Variants in IGF2R observed in about 807,000 individuals in gnomAD.
IGF2R encodes insulin like growth factor 2 receptor, also known as cation-independent mannose-6-phosphate receptor.
In IGF2R, 91 loss-of-function variants were observed where a neutral mutation model predicts 270.6. The ratio of observed to expected loss-of-function variants is 0.34; its 90% CI spans 0.28 to 0.40. The LOEUF (loss-of-function observed/expected upper bound fraction) is 0.40. Among genes scored for constraint, IGF2R ranks in the 10% least tolerant of loss-of-function variants. The pLI is 1.00. For missense variants in IGF2R, 2,805 were observed against 3,188.3 expected (o/e 0.88, Z 2.90); for synonymous variants, 1,316 against 1,258.9 (o/e 1.05, Z -0.96).
rs766114153 is a variant in IGF2R at position 160,079,565 on chromosome 6, A to G, written c.5479-15A>G. The stretch of plus-strand genomic sequence containing the variant: ...GCTGCCACTCTGCTGACGGCCACGC[A>G]TGGTTTTTGTCCAGGTGACTCGCGA... On this transcript the variant is annotated splice_polypyrimidine_tract_variant and intron_variant, in intron 37 of 47. Coordinates refer to ENST00000356956, the MANE Select transcript of IGF2R (RefSeq NM_000876.4). 58 of 1,414,034 alleles carry G rather than the reference A, an allele frequency of 4.1e-5. No individual in the cohort carries two copies. The highest frequency in any genetic ancestry group is 2.1e-4 in the Middle Eastern group (1 of 4,752). 87.6% of individuals were successfully genotyped at this position (1,414,034 alleles called of 1,614,324 possible). A position where few individuals can be genotyped will look rare whatever the true frequency, so the allele number is the denominator to read the frequency against.
chr6:160,073,023 C>T lies in IGF2R; in HGVS notation c.4690+139C>T, dbSNP rs76023313. The T allele has an allele frequency of 9.3e-4, 1,276 of 1,376,914 alleles. 3 individuals are homozygous for T. Among genetic ancestry groups the T allele is most frequent in the Non-Finnish European group, 1.0e-3 (1,013 of 1,004,506 alleles). 85.3% of individuals were successfully genotyped at this position (1,376,914 alleles called of 1,614,324 possible). A position where few individuals can be genotyped will look rare whatever the true frequency, so the allele number is the denominator to read the frequency against. ...CTTTTGTCTCCTGCAGCAGTCACCC[C>T]ATGTGGGGGACACATGGTCATGTGA... is the stretch of plus-strand genomic sequence containing the variant. On this transcript the variant is annotated intron_variant, in intron 33 of 47. Coordinates refer to ENST00000356956, the MANE Select transcript of IGF2R (RefSeq NM_000876.4).
chr6:160,044,875 G>A (rs996712439), intron 13 of IGF2R, among the ~76,000 whole-genome samples: 3 of 152,142 alleles, frequency 2.0e-5, no homozygotes, highest in African/African-American at 4.8e-5. Context: ...GAAACCAGAT[G>A]GTGTCAGAAG....
chr6:160,052,299 A>C (rs1778217169), intron 19 of IGF2R, among the ~76,000 whole-genome samples: 2 of 152,228 alleles, frequency 1.3e-5, no homozygotes, highest in Non-Finnish European at 2.9e-5. Context: ...TAACAGACAA[A>C]GAGAGCCAAA....
intron 5 of IGF2R, among the ~76,000 whole-genome samples, chr6:160,026,881 GA>G (rs1212905451): frequency 6.6e-6 from 1 of 152,178 alleles, no homozygotes; most frequent in Non-Finnish European, 1.5e-5. Flanking sequence ...TCTGTAGCTT[GA>G]AAGGGGATAG....
intron 37 of IGF2R, among the ~76,000 whole-genome samples, chr6:160,079,361 A>G (rs538612454): frequency 6.3e-4 from 96 of 152,298 alleles, no homozygotes; most frequent in African/African-American, 2.3e-3. Flanking sequence ...GGCCCCCAGC[A>G]GGGAGCAGGA....
chr6:160,043,125 A>G (rs752803332), intron 11 of IGF2R, 23 bp from the exon 12 acceptor site: 2 of 1,612,752 alleles, frequency 1.2e-6, no homozygotes, highest in Non-Finnish European at 1.7e-6. Context: ...TTTTGGCTAA[A>G]ATACACTTTT....
At chr6:159,991,415 C>A in intron 2 of IGF2R, 92 bp downstream of exon 2, 2 of 1,056,864 alleles carry the variant, frequency 1.9e-6, no homozygotes, top group Non-Finnish European at 2.7e-6. Flanking sequence ...TATAGCGATA[C>A]AAAAATTTTG....
Position 160,096,605 on chromosome 6 carries a change from C to G in IGF2R, c.6822C>G (p.Thr2274=), listed in dbSNP as rs200731141. 26 of 1,613,806 alleles carry G rather than the reference C, an allele frequency of 1.6e-5. No homozygotes were observed. The highest frequency in any genetic ancestry group is 1.1e-4 in the East Asian group (5 of 44,876). ...GCCAGTACCTCTTCTCTTGGTACAC[C>G]TCAGCCGTGTGTCCTCTGGGGTGAG... ...ADCQYLFSWY[T]SAVCPLGVGF... is the part of the protein sequence containing the mutation. The change falls in exon 45 of 48, where the codon ACC becomes ACG. Residue 2274 remains threonine, a synonymous_variant. Transcript: ENST00000356956.
intron 41 of IGF2R, among the ~76,000 whole-genome samples, chr6:160,087,292 T>C (rs1281895161): frequency 1.3e-5 from 2 of 152,176 alleles, no homozygotes; most frequent in African/African-American, 2.4e-5. Flanking sequence ...GGAAAGCACC[T>C]AATATGATAG....
chr6:160,042,638 T>G (rs752054821), intron 11 of IGF2R, among the ~76,000 whole-genome samples: 7 of 152,210 alleles, frequency 4.6e-5, no homozygotes, highest in Non-Finnish European at 1.0e-4. Context: ...GGTACCTTGC[T>G]TGTCTTCTGT....
Position 160,090,123 on chromosome 6 carries a change from A to G in IGF2R, c.6655+20A>G, listed in dbSNP as rs768908210. ...TTCAAGGTAATCCGTGGCTTCCCAC[A>G]AAGTTCCACATTTAACTTCCTCCAA... On this transcript the variant is annotated intron_variant, in intron 44 of 47. Transcript: ENST00000356956. 2 of 1,425,652 alleles carry G rather than the reference A, an allele frequency of 1.4e-6. No homozygotes were observed. The allele number at this position is 1,425,652 out of a possible 1,614,324, so 88.3% of individuals were successfully genotyped here. A position where few individuals can be genotyped will look rare whatever the true frequency, so the allele number is the denominator to read the frequency against.
intron 26 of IGF2R, 96 bp downstream of exon 26, chr6:160,062,715 A>T (rs896130276): frequency 7.2e-6 from 6 of 835,832 alleles, no homozygotes; most frequent in Non-Finnish European, 1.2e-5. Context: ...GATAACAGCC[A>T]TAGCTGGGGT....
At chr6:160,075,202 AAG>A (rs1449075584) in intron 35 of IGF2R, among the ~76,000 whole-genome samples, 3 of 152,254 alleles carry the variant, frequency 2.0e-5, no homozygotes, top group Admixed American at 6.5e-5. Context: ...AAAATAAAAA[AAG>A]AGTTTTTTGT....
At chr6:160,020,629 G>C (rs1249310702) in intron 4 of IGF2R, among the ~76,000 whole-genome samples, 1 of 152,158 alleles carries the variant, frequency 6.6e-6, no homozygotes, top group Non-Finnish European at 1.5e-5. Context: ...AGAAAACCCA[G>C]AGTCAAAGCT....
intron 44 of IGF2R, 74 bp downstream of exon 44, chr6:160,090,177 C>G (rs144108753): frequency 9.3e-7 from 1 of 1,073,362 alleles, no homozygotes; most frequent in Admixed American, 3.3e-5. Flanking sequence ...TCAACTAACT[C>G]CCTTCAGTTG....
chr6:160,038,244 G>C (rs1319460592), intron 10 of IGF2R, among the ~76,000 whole-genome samples: 1 of 152,204 alleles, frequency 6.6e-6, no homozygotes, highest in East Asian at 1.9e-4. Context: ...ATTGTGCAGA[G>C]CTAATCCTAA....
rs149567958 is a variant in IGF2R, at chr6:160,071,230, T to TC, written c.4444-680_4444-679insC. On this transcript the variant is annotated intron_variant, in intron 31 of 47. Transcript: ENST00000356956. ...GACCCAGGAGGCTGGGAGGGAAGGG[T>TC]GGGGGTGTGTCGAGGCCCCTGTGCC... 7.1e-3 allele frequency among the ~76,000 whole-genome samples: 307 copies of TC among 43,150 alleles called. 4 individuals are homozygous for TC. The highest frequency in any genetic ancestry group is 0.022 in the African/African-American group (232 of 10,590). The allele number at this position is 43,150 out of a possible 152,430, so 28.3% of individuals were successfully genotyped here. A position where few individuals can be genotyped will look rare whatever the true frequency, so the allele number is the denominator to read the frequency against.
In IGF2R at chr6:160,089,107, G is replaced by A; in HGVS notation, c.6321G>A (p.Arg2107=). Residue 2107 remains arginine, a splice_region_variant and synonymous_variant, in exon 43 of 48, where the codon AGG becomes AGA. Transcript: ENST00000356956. ...GTAGCCTGTGCTTCCCTCCTCCTAGGTTTGATATCGACAGCTGCACTTACT... is the reference window on the plus strand; with the variant it reads ...GTAGCCTGTGCTTCCCTCCTCCTAGATTTGATATCGACAGCTGCACTTACT... The part of the protein sequence containing the change: ...TKTVGRPAFK[R]FDIDSCTYYF... 1 of 1,612,280 alleles carries A rather than the reference G, an allele frequency of 6.2e-7. No homozygotes were observed. Among genetic ancestry groups the A allele is most frequent in the Non-Finnish European group, 8.5e-7 (1 of 1,178,878 alleles).
At chr6:159,979,996 G>A (rs9346804) in intron 1 of IGF2R, among the ~76,000 whole-genome samples, 17,307 of 151,876 alleles carry the variant, frequency 0.11, 1,098 homozygotes, top group South Asian at 0.14. Context: ...TCGAGACCAC[G>A]GTGAAACCCT....
Sources: allele counts gnomAD v4.1 joint callset (sites outside exome capture counted in the v4.1 genomes callset), GRCh38; gene constraint gnomAD v4.1.1; transcripts MANE v1.5; gene names NCBI Gene and HGNC (gene_info 2026-07-23, HGNC 2026-07-21).